ANO3: variants seen among roughly 807,000 people sequenced by gnomAD.
ANO3 encodes the protein anoctamin-3.
ANO3 carries 99 observed loss-of-function variants against 144.8 expected under a neutral mutation model. The ratio of observed to expected loss-of-function variants is 0.68; its 90% CI spans 0.58 to 0.81. The LOEUF is 0.81. Among genes scored for constraint, ANO3 ranks in the 30% least tolerant of loss-of-function variants. The pLI is 0.00. For synonymous variants in ANO3, 414 were observed against 392.6 expected (o/e 1.05, Z -0.64); for missense variants, 905 against 1,202.2 (o/e 0.75, Z 3.66).
At chr11:26,431,475 C>G (rs987201888) in intron 1 of ANO3, among the ~76,000 whole-genome samples, 4 of 152,136 alleles carry the variant, frequency 2.6e-5, no homozygotes, top group African/African-American at 7.2e-5. Context: ...ACTCGTGCCA[C>G]AGGTTTGTTG....
In ANO3 at chr11:26,443,837, G is replaced by A; in HGVS notation, c.313+1G>A. The A allele has an allele frequency of 6.2e-7, 1 of 1,608,664 alleles. No homozygotes were observed. Among genetic ancestry groups the A allele is most frequent in the Non-Finnish European group, 8.5e-7 (1 of 1,176,316 alleles). ...GCTGACCTCAGCGATTTTTGTTTGG[G>A]TAAGTTGATAATCAGTATTTACCTA... On this transcript the variant is annotated splice_donor_variant, in intron 3 of 26. Coordinates refer to ENST00000256737, the MANE Select transcript of ANO3 (RefSeq NM_031418.4). LOFTEE classifies it high-confidence loss of function.
At chr11:26,577,948 A>T (rs1208332440) in intron 14 of ANO3, among the ~76,000 whole-genome samples, 2 of 152,208 alleles carry the variant, frequency 1.3e-5, no homozygotes, top group East Asian at 1.9e-4. Flanking sequence ...TTGGAATTGC[A>T]GTTTATAGGG....
chr11:26,204,142 T>C (rs1226484225), intron 1 of ANO3, among the ~76,000 whole-genome samples: 1 of 152,092 alleles, frequency 6.6e-6, no homozygotes, highest in African/African-American at 2.4e-5. Context: ...CTACACCCCC[T>C]CTGGGGAGCT....
intron 3 of ANO3, among the ~76,000 whole-genome samples, chr11:26,453,055 G>T (rs1859008803): frequency 1.3e-5 from 2 of 151,656 alleles, no homozygotes; most frequent in African/African-American, 2.4e-5. Flanking sequence ...CACCAGGCCT[G>T]CCCTAAAAGA....
At chr11:26,649,036 AT>A (rs1190893452) in intron 24 of ANO3, among the ~76,000 whole-genome samples, 1 of 152,154 alleles carries the variant, frequency 6.6e-6, no homozygotes, top group Non-Finnish European at 1.5e-5. Context: ...TTGTCAAAGG[AT>A]TTTAACTTGA....
intron 5 of ANO3, among the ~76,000 whole-genome samples, chr11:26,513,610 AC>A (rs1378122451): frequency 3.3e-5 from 5 of 152,136 alleles, no homozygotes; most frequent in South Asian, 2.1e-4. Context: ...GACTTCAGGA[AC>A]CACGATGTTT....
At chr11:26,451,914 G>A (rs2134039001) in intron 3 of ANO3, among the ~76,000 whole-genome samples, 1 of 152,256 alleles carries the variant, frequency 6.6e-6, no homozygotes, top group East Asian at 1.9e-4. Flanking sequence ...TCAGACAGCA[G>A]CATTCGCGGT....
intron 1 of ANO3, among the ~76,000 whole-genome samples, chr11:26,222,438 G>T (rs552658602): frequency 2.0e-5 from 3 of 152,168 alleles, no homozygotes; most frequent in Non-Finnish European, 4.4e-5. Flanking sequence ...GTTGCCAGTT[G>T]ATCTACCATT....
chr11:26,284,382 T>A (rs77344604), intron 1 of ANO3, among the ~76,000 whole-genome samples: 76 of 152,290 alleles, frequency 5.0e-4, no homozygotes, highest in African/African-American at 1.8e-3. Context: ...AGGATTCTAA[T>A]TTGATTCCTG....
intron 1 of ANO3, among the ~76,000 whole-genome samples, chr11:26,252,570 T>A (rs748015068): frequency 1.3e-5 from 2 of 152,144 alleles, no homozygotes; most frequent in Non-Finnish European, 2.9e-5. Flanking sequence ...CACCTGATAT[T>A]CCTAATTATT....
intron 1 of ANO3, among the ~76,000 whole-genome samples, chr11:26,338,937 G>A (rs1590272834): frequency 6.6e-6 from 1 of 152,316 alleles, no homozygotes; most frequent in African/African-American, 2.4e-5. Flanking sequence ...GAACCCACTG[G>A]AAGGAATAAA....
intron 1 of ANO3, among the ~76,000 whole-genome samples, chr11:26,234,536 T>C (rs952242307): frequency 6.6e-6 from 1 of 152,114 alleles, no homozygotes; most frequent in Admixed American, 6.5e-5. Flanking sequence ...TAAAAACCAA[T>C]TTAAATACAC....
chr11:26,630,530 G>C (rs1852742230), intron 18 of ANO3, among the ~76,000 whole-genome samples: 1 of 151,998 alleles, frequency 6.6e-6, no homozygotes, highest in African/African-American at 2.4e-5. Flanking sequence ...CACTTTTCTT[G>C]TGTACATGTA....
chr11:26,482,218 A>G (rs1158835496), intron 4 of ANO3, among the ~76,000 whole-genome samples: 1 of 150,696 alleles, frequency 6.6e-6, no homozygotes, highest in Non-Finnish European at 1.5e-5. Context: ...CTTTTTTTTT[A>G]ATTTTATTAT....
intron 1 of ANO3, among the ~76,000 whole-genome samples, chr11:26,266,269 C>T (rs968879275): frequency 1.3e-5 from 2 of 152,038 alleles, no homozygotes; most frequent in Admixed American, 1.3e-4. Context: ...CTTCTCCTTT[C>T]CCCAAGACTC....
At chr11:26,594,130 A>G (rs1041799627) in intron 14 of ANO3, among the ~76,000 whole-genome samples, 4 of 152,166 alleles carry the variant, frequency 2.6e-5, no homozygotes, top group East Asian at 1.9e-4. Context: ...CCTGTGTTAT[A>G]GTGGACATCA....
intron 17 of ANO3, among the ~76,000 whole-genome samples, chr11:26,618,064 T>A (rs1360304376): frequency 1.3e-5 from 2 of 152,208 alleles, no homozygotes; most frequent in South Asian, 4.1e-4. Flanking sequence ...TGCTTTTTTG[T>A]TGTTAATAGA....
At chr11:26,437,822 T>C (rs952710720) in intron 1 of ANO3, among the ~76,000 whole-genome samples, 1 of 148,272 alleles carries the variant, frequency 6.7e-6, no homozygotes, top group Non-Finnish European at 1.5e-5. Flanking sequence ...ACGTAACTCA[T>C]GTATGAGTAT....
At chr11:26,324,882 T>TA (rs1352134008) in intron 1 of ANO3, among the ~76,000 whole-genome samples, 6 of 152,178 alleles carry the variant, frequency 3.9e-5, no homozygotes, top group African/African-American at 1.2e-4. Context: ...TTAAATACCT[T>TA]AAAAAATATT....
Sources: allele counts gnomAD v4.1 joint callset (sites outside exome capture counted in the v4.1 genomes callset), GRCh38; gene constraint gnomAD v4.1.1; transcripts MANE v1.5; gene names NCBI Gene and HGNC (gene_info 2026-07-23, HGNC 2026-07-21).